Variants in GPC6 observed in about 807,000 individuals in gnomAD.
GPC6 encodes glypican-6.
Under a neutral mutation model 55.2 loss-of-function variants are expected in GPC6, and 14 were observed. That is an observed-to-expected ratio of 0.25 (90% CI 0.17 to 0.40). The LOEUF is 0.40. Among genes scored for constraint, GPC6 ranks in the 10% least tolerant of loss-of-function variants. The probability of loss-of-function intolerance (pLI) is 1.00; values close to 1 mark genes in which losing one functional copy is unlikely to be tolerated. For missense variants in GPC6, 641 were observed against 708.5 expected (o/e 0.90, Z 1.08); for synonymous variants, 278 against 259.6 (o/e 1.07, Z -0.68).
intron 1 of GPC6, among the ~76,000 whole-genome samples, chr13:93,383,563 T>C (rs1342795136): frequency 2.0e-5 from 3 of 152,172 alleles, no homozygotes; most frequent in African/African-American, 7.2e-5. Context: ...CAGCTTCTCA[T>C]TTCTCTTCTA....
chr13:93,991,043 ATTAC>A (rs1161677260), intron 3 of GPC6, among the ~76,000 whole-genome samples: 2 of 152,030 alleles, frequency 1.3e-5, no homozygotes, highest in Non-Finnish European at 2.9e-5. Context: ...TTAAAAGCTT[ATTAC>A]TTCATTGATT....
chr13:93,361,162 C>T (rs1336557979), intron 1 of GPC6, among the ~76,000 whole-genome samples: 2 of 152,154 alleles, frequency 1.3e-5, no homozygotes, highest in African/African-American at 2.4e-5. Flanking sequence ...GTTCCTGTCA[C>T]AGTTCAGACC....
At chr13:94,379,451 T>TG (rs1183928685) in intron 6 of GPC6, among the ~76,000 whole-genome samples, 1 of 152,194 alleles carries the variant, frequency 6.6e-6, no homozygotes, top group African/African-American at 2.4e-5. Flanking sequence ...ATAAATGTGC[T>TG]GGGGTAAACA....
intron 2 of GPC6, among the ~76,000 whole-genome samples, chr13:93,700,124 C>T (rs981431549): frequency 1.6e-4 from 25 of 152,014 alleles, no homozygotes; most frequent in African/African-American, 4.8e-4. Context: ...AAAAATGTGG[C>T]GCACAGTTAT....
chr13:93,741,117 C>CTTTTTT lies in GPC6; in HGVS notation c.320-89018_320-89013dup, dbSNP rs772541106. The stretch of plus-strand genomic sequence containing the variant: ...TAGTATACCGATACCCATCCAGAAT[C>CTTTTTT]TTTTTTTTTTTTTTTTTTTTTTTTG... On this transcript the variant is annotated intron_variant, in intron 2 of 8. Coordinates refer to ENST00000377047, the MANE Select transcript of GPC6 (RefSeq NM_005708.5). 8.2e-4 allele frequency among the ~76,000 whole-genome samples: 63 copies of CTTTTTT among 77,184 alleles called. 1 individual carries two copies. The highest frequency in any genetic ancestry group is 1.2e-3 in the South Asian group (2 of 1,672). The allele number at this position is 77,184 out of a possible 152,430, so 50.6% of individuals were successfully genotyped here.
At chr13:93,638,483 C>G (rs969067830) in intron 2 of GPC6, among the ~76,000 whole-genome samples, 1 of 152,012 alleles carries the variant, frequency 6.6e-6, no homozygotes, top group Non-Finnish European at 1.5e-5. Context: ...AAAATGCATT[C>G]CAAATACAAA....
Position 93,227,388 on chromosome 13 carries a change from C to A in GPC6, c.-69C>A. The A allele has an allele frequency of 1.3e-6, 2 of 1,532,670 alleles. No individual in the cohort carries two copies. Among genetic ancestry groups the A allele is most frequent in the South Asian group, 2.3e-5 (2 of 86,790 alleles). 94.9% of individuals were successfully genotyped at this position (1,532,670 alleles called of 1,614,324 possible). A position where few individuals can be genotyped will look rare whatever the true frequency, so the allele number is the denominator to read the frequency against. ...CGCGCCGCTGCCTCTGGCGGGCTTTCGGCTTGAGGGGCAAGGTGAAGAGCG... is the reference window on the plus strand; with the variant it reads ...CGCGCCGCTGCCTCTGGCGGGCTTTAGGCTTGAGGGGCAAGGTGAAGAGCG... On this transcript the variant is annotated 5_prime_UTR_variant, in exon 1 of 9. Coordinates refer to ENST00000377047, the MANE Select transcript of GPC6 (RefSeq NM_005708.5). This position sits in a 1 kb window ranked among gnomAD's most constrained non-coding sequence, Gnocchi z 4.3.
At chr13:93,710,053 C>CA (rs1241137582) in intron 2 of GPC6, among the ~76,000 whole-genome samples, 2 of 151,732 alleles carry the variant, frequency 1.3e-5, no homozygotes, top group African/African-American at 4.8e-5. Flanking sequence ...TGAATGGTTT[C>CA]AATTTCATTT....
intron 1 of GPC6, among the ~76,000 whole-genome samples, chr13:93,465,461 C>G (rs1332303213): frequency 6.6e-6 from 1 of 152,208 alleles, no homozygotes; most frequent in Non-Finnish European, 1.5e-5. Flanking sequence ...TCACCTTGCA[C>G]TTTTATTTTA....
intron 1 of GPC6, among the ~76,000 whole-genome samples, chr13:93,539,780 C>A (rs912559380): frequency 1.3e-5 from 2 of 151,742 alleles, no homozygotes; most frequent in African/African-American, 4.8e-5. Context: ...CAGCCTCAGC[C>A]TCCCAGGTTG....
rs555744735 is a variant in GPC6 at position 93,474,828 on chromosome 13, T to A, written c.161-70435T>A. ...GTCGAAACTTTTTTATTCCATTTTTTAAAGTAATTATAATGCTATTGTTCC... is the reference window on the plus strand; with the variant it reads ...GTCGAAACTTTTTTATTCCATTTTTAAAAGTAATTATAATGCTATTGTTCC... On this transcript the variant is annotated intron_variant, in intron 1 of 8. Transcript: ENST00000377047. Among the ~76,000 whole-genome samples, 7 of 152,320 alleles carry A rather than the reference T, an allele frequency of 4.6e-5. No individual in the cohort carries two copies. The East Asian group carries it at 1.4e-3, about 29-fold the overall frequency.
intron 4 of GPC6, among the ~76,000 whole-genome samples, chr13:94,041,869 G>T (rs1594689059): frequency 6.6e-6 from 1 of 151,800 alleles, no homozygotes; most frequent in East Asian, 1.9e-4. Context: ...CAAAAAAGTT[G>T]CAAAAGTAGT....
intron 1 of GPC6, among the ~76,000 whole-genome samples, chr13:93,373,604 C>G (rs138054977): frequency 6.6e-6 from 1 of 152,034 alleles, no homozygotes; most frequent in Non-Finnish European, 1.5e-5. Context: ...ATTAGTGTGT[C>G]GTCTGTGGTG....
intron 1 of GPC6, among the ~76,000 whole-genome samples, chr13:93,304,002 G>A (rs1878771036): frequency 6.6e-6 from 1 of 151,392 alleles, no homozygotes; most frequent in Non-Finnish European, 1.5e-5. Flanking sequence ...CCGAGCAGCT[G>A]GGATTACAGG....
intron 2 of GPC6, among the ~76,000 whole-genome samples, chr13:93,702,560 CA>C (rs776340666): frequency 3.3e-5 from 5 of 151,954 alleles, no homozygotes; most frequent in Non-Finnish European, 7.4e-5. Flanking sequence ...TTTTCCTCTC[CA>C]GCTGTGAATG....
intron 4 of GPC6, among the ~76,000 whole-genome samples, chr13:94,046,105 C>G (rs1413402467): frequency 6.6e-6 from 1 of 151,582 alleles, no homozygotes; most frequent in African/African-American, 2.4e-5. Flanking sequence ...AGCGGACTGC[C>G]AACAAAAAAA....
At chr13:93,909,253 A>C (rs1036260724) in intron 3 of GPC6, among the ~76,000 whole-genome samples, 1 of 152,074 alleles carries the variant, frequency 6.6e-6, no homozygotes, top group Non-Finnish European at 1.5e-5. Context: ...ACAAAAACAC[A>C]CTCTATTCAA....
intron 2 of GPC6, among the ~76,000 whole-genome samples, chr13:93,730,383 C>T (rs1469165593): frequency 1.3e-5 from 2 of 152,210 alleles, no homozygotes; most frequent in Admixed American, 6.5e-5. Context: ...TACTCACACT[C>T]TCACTTGCTT....
chr13:93,366,428 C>A lies in GPC6; in HGVS notation c.160+138812C>A, dbSNP rs146811670. Among the ~76,000 whole-genome samples the A allele has an allele frequency of 9.7e-4, 148 of 152,160 alleles. 2 individuals carry two copies. The highest frequency in any genetic ancestry group is 3.3e-3 in the African/African-American group (138 of 41,534). ...TATTAGTTAATTAAATGTGTGCAGA[C>A]TACATGCAGTGTTGCAGATAATGTA... On this transcript the variant is annotated intron_variant, in intron 1 of 8. Coordinates refer to ENST00000377047, the MANE Select transcript of GPC6 (RefSeq NM_005708.5).
Sources: gnomAD v4.1 joint callset for allele counts (sites outside exome capture counted in the v4.1 genomes callset) on GRCh38, gnomAD v4.1.1 for gene constraint, Gnocchi (gnomAD v3.1) non-coding constraint, MANE v1.5 for transcripts, NCBI Gene and HGNC (gene_info 2026-07-23, HGNC 2026-07-21) for gene names.